Variants in BUB1 observed in about 807,000 individuals in gnomAD.
BUB1 encodes the protein BUB1 mitotic checkpoint serine/threonine kinase.
A neutral mutation model predicts 135.2 loss-of-function variants in BUB1; 84 were observed. That is an observed-to-expected ratio of 0.62 (90% confidence interval 0.52 to 0.74). The LOEUF (loss-of-function observed/expected upper bound fraction) is 0.74. Among genes scored for constraint, BUB1 ranks in the 30% least tolerant of loss-of-function variants. The pLI is 0.00. For synonymous variants in BUB1, 403 were observed against 434.4 expected (o/e 0.93, Z 0.90); for missense variants, 1,162 against 1,288.3 (o/e 0.90, Z 1.50).
At chr2:110,643,896 G>T (rs1274658932) in intron 19 of BUB1, among the ~76,000 whole-genome samples, 1 of 151,602 alleles carries the variant, frequency 6.6e-6, no homozygotes, top group Non-Finnish European at 1.5e-5. Flanking sequence ...GGGTAATACA[G>T]GCAGAGAGAA....
chr2:110,677,063 A>G (rs1039214519), intron 1 of BUB1, among the ~76,000 whole-genome samples: 6 of 152,284 alleles, frequency 3.9e-5, no homozygotes, highest in African/African-American at 1.4e-4. Context: ...AACACCAACC[A>G]CATTTCTCTA....
Position 110,672,727 on chromosome 2 carries a change from C to G in BUB1, c.356G>C (p.Ser119Thr). The change falls in exon 4 of 25, where the codon AGT becomes ACT. Residue 119 changes from serine (S) to threonine (T), a missense_variant. Transcript: ENST00000302759. ...TTGAATTCCTCTCTGAAGGACAGCA[C>G]TGGCATGCTGCAGCTCTCCTTGGGC... ...LEAQGELQHA[S>T]AVLQRGIQNQ... 1 of 1,614,042 alleles carries G rather than the reference C, an allele frequency of 6.2e-7. No individual in the cohort carries two copies. Among genetic ancestry groups the G allele is most frequent in the Non-Finnish European group, 8.5e-7 (1 of 1,179,972 alleles).
chr2:110,639,912 C>T (rs765310857), intron 23 of BUB1, 64 bp from the exon 24 acceptor site: 3 of 1,316,180 alleles, frequency 2.3e-6, no homozygotes, highest in Non-Finnish European at 3.3e-6. Flanking sequence ...TATCAAGATG[C>T]CTGTCTAACT....
chr2:110,646,467 T>C (rs974237308), intron 19 of BUB1, among the ~76,000 whole-genome samples: 2 of 152,154 alleles, frequency 1.3e-5, no homozygotes, highest in Non-Finnish European at 2.9e-5. Context: ...ATCAATTGGA[T>C]CTAATTGACA....
chr2:110,656,935 T>C, intron 15 of BUB1, 101 bp downstream of exon 15: 1 of 712,326 alleles, frequency 1.4e-6, no homozygotes, highest in African/African-American at 1.8e-5. Flanking sequence ...GTTTTTAGCA[T>C]AGTTTCACAT....
At chr2:110,650,819 C>G (rs781106840) in intron 17 of BUB1, 35 bp from the exon 18 acceptor site, 2 of 1,546,616 alleles carry the variant, frequency 1.3e-6, no homozygotes, top group Non-Finnish European at 1.8e-6. Flanking sequence ...AACCAAAACA[C>G]CACATGATTA....
At chr2:110,657,760 A>C in intron 13 of BUB1, 115 bp from the exon 14 acceptor site, 2 of 700,928 alleles carry the variant, frequency 2.9e-6, no homozygotes, top group Non-Finnish European at 2.3e-6. Flanking sequence ...AAGAACTAAT[A>C]TCAGCTTTTC....
At chr2:110,662,265 A>C (rs1443347149) in intron 9 of BUB1, among the ~76,000 whole-genome samples, 3 of 152,210 alleles carry the variant, frequency 2.0e-5, no homozygotes, top group Non-Finnish European at 4.4e-5. Flanking sequence ...GGAAAAAAAT[A>C]AATAAATAAA....
chr2:110,670,438 G>A (rs183561164), intron 5 of BUB1, 87 bp downstream of exon 5: 68 of 1,477,502 alleles, frequency 4.6e-5, no homozygotes, highest in African/African-American at 1.7e-4. Flanking sequence ...ATGCCCAGCC[G>A]GGTTTGTTTT....
chr2:110,675,415 G>T (rs1416579408), intron 1 of BUB1: 1 of 152,244 alleles, frequency 6.6e-6, no homozygotes, highest in Non-Finnish European at 1.5e-5. Flanking sequence ...AGGGGGAAAT[G>T]GTCAAGGCTG....
chr2:110,644,333 C>T (rs1574315724), intron 19 of BUB1, among the ~76,000 whole-genome samples: 1 of 151,546 alleles, frequency 6.6e-6, no homozygotes, highest in East Asian at 1.9e-4. Flanking sequence ...AAAAATTAGC[C>T]GGGTATGGTG....
chr2:110,638,126 A>C lies in BUB1; in HGVS notation c.3096T>G (p.Phe1032Leu). ...AATCTGGAATATTCAACATAACATGAAAAAATTCATTCCACATATCCAAAT... is the reference window on the plus strand; with the variant it reads ...AATCTGGAATATTCAACATAACATGCAAAAATTCATTCCACATATCCAAAT... ...LPHLDMWNEF[F>L]HVMLNIPDCH... The change falls in exon 25 of 25, where the codon TTT becomes TTG. Residue 1032 changes from phenylalanine (F) to leucine (L), a missense_variant. Coordinates refer to ENST00000302759, the MANE Select transcript of BUB1 (RefSeq NM_004336.5). 1 of 1,599,556 alleles carries C rather than the reference A, an allele frequency of 6.3e-7. No homozygotes were observed. The highest frequency in any genetic ancestry group is 8.5e-7 in the Non-Finnish European group (1 of 1,175,810).
In BUB1 at chr2:110,672,773, C is replaced by G; in HGVS notation, c.310G>C (p.Ala104Pro). The G allele has an allele frequency of 6.2e-7, 1 of 1,614,060 alleles. No individual in the cohort carries two copies. The highest frequency in any genetic ancestry group is 8.5e-7 in the Non-Finnish European group (1 of 1,180,008). ...TGGGCTTCCAGATGCCCCGCCCAGG[C>G]AATGTACAGAGGGGATGACAGGGTT... is the stretch of plus-strand genomic sequence containing the variant. The part of the protein sequence containing the change: ...IGTLSSPLYI[A>P]WAGHLEAQGE... Residue 104 changes from alanine to proline, a missense_variant, in exon 4 of 25, where the codon GCC (alanine) becomes CCC (proline). By Grantham distance (27) the Ala-to-Pro change is conservative. Transcript: ENST00000302759.
chr2:110,670,718 C>A, intron 4 of BUB1, 150 bp from the exon 5 acceptor site: 3 of 650,490 alleles, frequency 4.6e-6, no homozygotes, highest in African/African-American at 1.9e-5. Flanking sequence ...AGAGTTGCTT[C>A]GAAATTAAAA....
chr2:110,655,433 GCTCT>G (rs896558698), intron 16 of BUB1, among the ~76,000 whole-genome samples: 1 of 152,068 alleles, frequency 6.6e-6, no homozygotes, highest in Non-Finnish European at 1.5e-5. Flanking sequence ...AAATAAACAT[GCTCT>G]ATCTATACAA....
intron 17 of BUB1, among the ~76,000 whole-genome samples, chr2:110,652,873 A>C (rs1327061286): frequency 6.6e-6 from 1 of 152,206 alleles, no homozygotes; most frequent in African/African-American, 2.4e-5. Flanking sequence ...GATAATAGAG[A>C]ATTCCTGTAT....
rs1275453727 is a variant in BUB1 at position 110,666,349 on chromosome 2, G to C, written c.871C>G (p.Gln291Glu). The C allele has an allele frequency of 1.3e-6, 2 of 1,534,644 alleles. No homozygotes were observed. Among genetic ancestry groups the C allele is most frequent in the Non-Finnish European group, 1.8e-6 (2 of 1,138,676 alleles). The change falls in exon 9 of 25, where the codon CAG becomes GAG. Residue 291 changes from glutamine to glutamate, a missense_variant. Coordinates refer to ENST00000302759, the MANE Select transcript of BUB1 (RefSeq NM_004336.5). ...TTCTTATGAAGTTCATCCATTTTCT[G>C]TTTTAATAGCTGTTCTTCAAAAGCA... ...ANAFEEQLLK[Q>E]KMDELHKKLH... is the part of the protein sequence containing the mutation.
chr2:110,656,472 C>T (rs1032003781), intron 15 of BUB1, among the ~76,000 whole-genome samples: 1 of 152,130 alleles, frequency 6.6e-6, no homozygotes, highest in Non-Finnish European at 1.5e-5. Context: ...TAGTCAGAAA[C>T]TCCGTAGAAT....
intron 10 of BUB1, 120 bp downstream of exon 10, chr2:110,661,461 TA>T: frequency 7.8e-7 from 1 of 1,289,860 alleles, no homozygotes; most frequent in Non-Finnish European, 1.0e-6. Flanking sequence ...CATACCTATC[TA>T]AAAATAAAAG....
Sources: allele counts gnomAD v4.1 joint callset (sites outside exome capture counted in the v4.1 genomes callset), GRCh38; gene constraint gnomAD v4.1.1; transcripts MANE v1.5; gene names NCBI Gene and HGNC (gene_info 2026-07-23, HGNC 2026-07-21).